Variants in ODAD2 observed in about 807,000 individuals in gnomAD.
The protein encoded by ODAD2 is outer dynein arm-docking complex subunit 2.
Under a neutral mutation model 106.8 loss-of-function variants are expected in ODAD2, and 89 were observed. The observed-to-expected ratio is 0.83, with a 90% CI of 0.70 to 0.99. The LOEUF is 0.99. Ranked by LOEUF, ODAD2 falls within the 50% of genes least tolerant of loss-of-function variation. ODAD2 has a pLI of 0.00. For missense variants in ODAD2, 1,168 were observed against 1,238.5 expected (o/e 0.94, Z 0.85); for synonymous variants, 404 against 436.2 (o/e 0.93, Z 0.92).
rs554491271 is a variant in ODAD2, at chr10:27,886,552, A to G, written c.2610+21111T>C. On this transcript the variant is annotated intron_variant, in intron 17 of 19. Coordinates refer to ENST00000305242, the MANE Select transcript of ODAD2 (RefSeq NM_018076.5). ...TGAAATAAAAGGATTCTACACAGTAACTTGAAGCCATACAAAAATATAAAG... is the reference window on the plus strand; with the variant it reads ...TGAAATAAAAGGATTCTACACAGTAGCTTGAAGCCATACAAAAATATAAAG... 3.9e-5 allele frequency among the ~76,000 whole-genome samples: 6 copies of G among 152,212 alleles called. No homozygotes were observed. In the South Asian group the frequency reaches 1.2e-3, roughly 32 times the overall value.
chr10:27,885,681 A>AAAAT (rs1564466026), intron 17 of ODAD2, among the ~76,000 whole-genome samples: 3 of 13,552 alleles, frequency 2.2e-4, no homozygotes, highest in Non-Finnish European at 3.9e-4. Flanking sequence ...AAATATATAT[A>AAAAT]ATATATAATA....
intron 19 of ODAD2, among the ~76,000 whole-genome samples, chr10:27,835,268 C>T (rs1338130956): frequency 6.6e-6 from 1 of 152,184 alleles, no homozygotes; most frequent in East Asian, 1.9e-4. Context: ...AACAGAGAGG[C>T]TGAGGACTGA....
intron 19 of ODAD2, among the ~76,000 whole-genome samples, chr10:27,850,675 A>T (rs1219802387): frequency 6.6e-6 from 1 of 152,218 alleles, no homozygotes; most frequent in Non-Finnish European, 1.5e-5. Flanking sequence ...AGACTGCCTC[A>T]TGTTAAGATG....
intron 16 of ODAD2, among the ~76,000 whole-genome samples, chr10:27,911,199 G>A (rs778438179): frequency 6.6e-6 from 1 of 152,092 alleles, no homozygotes; most frequent in Non-Finnish European, 1.5e-5. Context: ...TGTGAAAAAC[G>A]TGGCACTAAA....
intron 16 of ODAD2, among the ~76,000 whole-genome samples, chr10:27,911,746 C>G (rs925761817): frequency 6.6e-6 from 1 of 152,114 alleles, no homozygotes; most frequent in African/African-American, 2.4e-5. Context: ...TTTTGCACTC[C>G]CTTTTCCTGC....
At position 27,823,412 on chromosome 10, in the gene ODAD2, T is replaced by C. The variant is rs145309730; in HGVS notation, c.3022-10787A>G. 8.5e-3 allele frequency among the ~76,000 whole-genome samples: 1,289 copies of C among 152,314 alleles called. 18 individuals carry two copies. The highest frequency in any genetic ancestry group is 0.03 in the African/African-American group (1,234 of 41,558). ...ATGCAGTAAAGTGGCTATGAGTTTA[T>C]GCTTTGAGTTCAGACAGTCTGAATT... On this transcript the variant is annotated intron_variant, in intron 19 of 19. Transcript: ENST00000305242.
intron 17 of ODAD2, among the ~76,000 whole-genome samples, chr10:27,879,424 T>C (rs1324401982): frequency 6.6e-6 from 1 of 151,654 alleles, no homozygotes; most frequent in Non-Finnish European, 1.5e-5. Flanking sequence ...GTCTTTTATA[T>C]AGGAATATAT....
chr10:27,843,716 G>T (rs569635965), intron 19 of ODAD2, among the ~76,000 whole-genome samples: 1 of 151,108 alleles, frequency 6.6e-6, no homozygotes, highest in Non-Finnish European at 1.5e-5. Flanking sequence ...GCAATGAGCC[G>T]AGATCACACC....
intron 9 of ODAD2, among the ~76,000 whole-genome samples, chr10:27,963,343 C>T (rs1191697610): frequency 6.6e-6 from 1 of 152,042 alleles, no homozygotes; most frequent in East Asian, 1.9e-4. Context: ...TTCTAAACCT[C>T]ACAACCACTT....
intron 17 of ODAD2, among the ~76,000 whole-genome samples, chr10:27,868,599 C>T (rs543340084): frequency 3.3e-5 from 5 of 152,152 alleles, no homozygotes; most frequent in African/African-American, 9.7e-5. Context: ...CCAAACAACA[C>T]GTGTTCTCAC....
chr10:27,990,505 T>C (rs1436770554), intron 2 of ODAD2, among the ~76,000 whole-genome samples: 1 of 152,208 alleles, frequency 6.6e-6, no homozygotes, highest in Non-Finnish European at 1.5e-5. Context: ...TTAATAAATG[T>C]ATGTCTAAAT....
At chr10:27,834,864 A>G (rs904085358) in intron 19 of ODAD2, among the ~76,000 whole-genome samples, 5 of 152,156 alleles carry the variant, frequency 3.3e-5, no homozygotes, top group African/African-American at 1.2e-4. Context: ...AGAGTCTCCA[A>G]AGAAATTGCC....
intron 19 of ODAD2, among the ~76,000 whole-genome samples, chr10:27,849,941 C>T (rs1266319417): frequency 6.6e-6 from 1 of 152,108 alleles, no homozygotes; most frequent in Non-Finnish European, 1.5e-5. Context: ...GGTGAACCAC[C>T]CAGCAAGAGC....
chr10:27,959,062 C>A, intron 10 of ODAD2: 1 of 1,244,020 alleles, frequency 8.0e-7, no homozygotes, highest in Non-Finnish European at 1.1e-6. Flanking sequence ...CTTGGACGGG[C>A]TTAGAGGCTC....
intron 16 of ODAD2, among the ~76,000 whole-genome samples, chr10:27,909,817 GAAAAAAAAAAA>G (rs35449629): frequency 2.7e-4 from 15 of 56,370 alleles, no homozygotes; most frequent in South Asian, 1.5e-3. Context: ...GTCTTCATTT[GAAAAAAAAAAA>G]AAAAAAAAAA....
chr10:27,997,553 G>A (rs1478055599), intron 1 of ODAD2: 2 of 152,020 alleles, frequency 1.3e-5, no homozygotes, highest in East Asian at 3.9e-4. Context: ...CGTTATTTTC[G>A]TCAAGATAAA....
intron 10 of ODAD2, among the ~76,000 whole-genome samples, chr10:27,960,247 T>A (rs1848030449): frequency 6.6e-6 from 1 of 151,210 alleles, no homozygotes; most frequent in South Asian, 2.1e-4. Context: ...AGTTGAGCAT[T>A]AGGGCTTGTT....
chr10:27,872,633 G>T (rs1275073017), intron 17 of ODAD2, among the ~76,000 whole-genome samples: 2 of 152,076 alleles, frequency 1.3e-5, no homozygotes, highest in South Asian at 2.1e-4. Context: ...TTTGTCTTTG[G>T]TTCTGTTTAT....
intron 10 of ODAD2, among the ~76,000 whole-genome samples, chr10:27,956,228 T>C (rs1035857182): frequency 3.4e-4 from 51 of 152,156 alleles, no homozygotes; most frequent in African/African-American, 1.2e-3. Context: ...TCCCTTCCTA[T>C]TAGATTCACT....
Sources: gnomAD v4.1 joint callset for allele counts (sites outside exome capture counted in the v4.1 genomes callset) on GRCh38, gnomAD v4.1.1 for gene constraint, MANE v1.5 for transcripts, NCBI Gene and HGNC (gene_info 2026-07-23, HGNC 2026-07-21) for gene names.